Variants in DNAH7 observed in about 807,000 individuals in gnomAD.
DNAH7 encodes axonemal beta dynein heavy chain 7.
A neutral mutation model predicts 444.6 loss-of-function variants in DNAH7; 397 were observed. The ratio of observed to expected loss-of-function variants is 0.89; its 90% CI spans 0.82 to 0.97. DNAH7 has a LOEUF of 0.97. Ranked by LOEUF, DNAH7 falls within the 50% of genes least tolerant of loss-of-function variation. DNAH7 has a pLI of 0.00. For missense variants in DNAH7, 4,902 were observed against 4,800.8 expected, an observed-to-expected ratio of 1.02 and a Z score of -0.62; for synonymous variants, 1,636 against 1,624.4, an observed-to-expected ratio of 1.01 and a Z score of -0.17.
intron 52 of DNAH7, among the ~76,000 whole-genome samples, chr2:195,809,303 ATAAAG>A (rs544672976): frequency 2.7e-4 from 41 of 152,338 alleles, no homozygotes; most frequent in African/African-American, 6.7e-4. Flanking sequence ...AAATGCAAGA[ATAAAG>A]TATTTATTTC....
chr2:195,891,865 A>G, intron 30 of DNAH7, 61 bp from the exon 31 acceptor site: 1 of 1,294,258 alleles, frequency 7.7e-7, no homozygotes, highest in Non-Finnish European at 1.0e-6. Flanking sequence ...CATAGAAAAC[A>G]TTATTGCACA....
rs118050835 is a variant in DNAH7, at chr2:196,065,487, C to A, written c.15+3210G>T. Among the ~76,000 whole-genome samples the A allele has an allele frequency of 9.1e-3, 1,381 of 152,306 alleles. 42 individuals are homozygous for A. Among genetic ancestry groups the A allele is most frequent in the East Asian group, 0.085 (440 of 5,182 alleles). On this transcript the variant is annotated intron_variant, in intron 1 of 64. Transcript: ENST00000312428. ...GGTTGTGCTCTGCCTCAGATCAATT[C>A]TTTACCCTCTTCTTCCTGCTCTGTG... is the stretch of plus-strand genomic sequence containing the variant.
intron 64 of DNAH7, among the ~76,000 whole-genome samples, 183 bp downstream of exon 64, chr2:195,740,581 GTA>G (rs997964250): frequency 1.2e-4 from 10 of 86,818 alleles, no homozygotes; most frequent in East Asian, 5.8e-4. Flanking sequence ...AGAATTGACT[GTA>G]TATGTGTGTG....
At chr2:195,931,939 G>T (rs1168574534) in intron 21 of DNAH7, among the ~76,000 whole-genome samples, 14 of 152,150 alleles carry the variant, frequency 9.2e-5, no homozygotes. Flanking sequence ...CTTTAAAGTA[G>T]TTTTTTCCAA....
At position 196,044,410 on chromosome 2, in the gene DNAH7, G is replaced by C. The variant is rs150919206; in HGVS notation, c.398+2942C>G. ...AAGCTATGAGGACACAAAGGCATAA[G>C]AATGATATCATGGACTCTGGAGACT... On this transcript the variant is annotated intron_variant, in intron 5 of 64. Coordinates refer to ENST00000312428, the MANE Select transcript of DNAH7 (RefSeq NM_018897.3). Among the ~76,000 whole-genome samples the C allele has an allele frequency of 0.02, 2,966 of 151,296 alleles. 253 individuals are homozygous for C. The East Asian group carries it at 0.27, about 14-fold the overall frequency.
chr2:195,992,338 A>G (rs1051705973), intron 12 of DNAH7, among the ~76,000 whole-genome samples: 2 of 152,190 alleles, frequency 1.3e-5, no homozygotes, highest in African/African-American at 4.8e-5. Flanking sequence ...CACAGGTGGA[A>G]GCTGAAGAAG....
intron 51 of DNAH7, 67 bp from the exon 52 acceptor site, chr2:195,809,938 C>T (rs566757711): frequency 7.9e-6 from 10 of 1,261,332 alleles, no homozygotes; most frequent in Non-Finnish European, 1.0e-5. Context: ...TCTTAAGAAA[C>T]TTACATGTAT....
chr2:195,806,039 TTTAA>T (rs1696691591), intron 54 of DNAH7, among the ~76,000 whole-genome samples: 1 of 147,910 alleles, frequency 6.8e-6, no homozygotes, highest in African/African-American at 2.4e-5. Flanking sequence ...TATGTCAAAC[TTTAA>T]TTTGAGTGGT....
In DNAH7 at chr2:195,970,090, C is replaced by T. The variant is rs759632593; in HGVS notation, c.2063G>A (p.Arg688Gln). The change falls in exon 17 of 65, where the codon CGG becomes CAG. Residue 688 changes from arginine (R) to glutamine (Q), a missense_variant. Coordinates refer to ENST00000312428, the MANE Select transcript of DNAH7 (RefSeq NM_018897.3). ...CAATTCCTCCACAAACCGTTCACACCGTAACTAATAAAAACAATTTGTTGT... is the reference window on the plus strand; with the variant it reads ...CAATTCCTCCACAAACCGTTCACACTGTAACTAATAAAAACAATTTGTTGT... The part of the protein sequence containing the change: ...IEQYQEGLKL[R>Q]CERFVEELES... 9.4e-6 allele frequency: 15 copies of T among 1,593,628 alleles called. No homozygotes were observed. The highest frequency in any genetic ancestry group is 5.4e-5 in the African/African-American group (4 of 73,834).
In DNAH7 at chr2:195,776,625, TA is replaced by T. The variant is rs578021537; in HGVS notation, c.11065-643del. Among the ~76,000 whole-genome samples the T allele has an allele frequency of 1.1e-3, 170 of 151,984 alleles. 2 individuals are homozygous for T. The highest frequency in any genetic ancestry group is 3.8e-3 in the African/African-American group (158 of 41,484). Reference sequence around the variant, plus strand: ...ATGATTATTCTTATCACAATAAAAATATTTTTTTTCTGATTTACTCTGATTA... The same window carrying T: ...ATGATTATTCTTATCACAATAAAAATTTTTTTTTCTGATTTACTCTGATTA... On this transcript the variant is annotated intron_variant, in intron 59 of 64. Transcript: ENST00000312428.
intron 36 of DNAH7, 76 bp downstream of exon 36, chr2:195,881,719 T>A: frequency 7.0e-7 from 1 of 1,434,746 alleles, no homozygotes; most frequent in Non-Finnish European, 9.5e-7. Flanking sequence ...TTTTAAAAAA[T>A]TATTTGTCTG....
chr2:195,738,074 A>C lies in DNAH7; in HGVS notation c.11922T>G (p.Val3974=). Reference sequence around the variant, plus strand: ...GCTCACTTGTCTTATACAATGGAGCAACATAACTTGGCCGTTTTGGTATAT... The same window carrying C: ...GCTCACTTGTCTTATACAATGGAGCCACATAACTTGGCCGTTTTGGTATAT... ...RADIPKRPSY[V]APLYKTSERR... Residue 3974 remains valine (V), a synonymous_variant, in exon 65 of 65, where the codon GTT becomes GTG. Coordinates refer to ENST00000312428, the MANE Select transcript of DNAH7 (RefSeq NM_018897.3). 1 of 1,614,022 alleles carries C rather than the reference A, an allele frequency of 6.2e-7. No homozygotes were observed. The highest frequency in any genetic ancestry group is 1.1e-5 in the South Asian group (1 of 91,086).
At chr2:195,805,364 G>C (rs970671774) in intron 54 of DNAH7, among the ~76,000 whole-genome samples, 4 of 151,824 alleles carry the variant, frequency 2.6e-5, no homozygotes, top group Admixed American at 2.6e-4. Context: ...TTAATAAAAT[G>C]TTTTAGAGGA....
intron 21 of DNAH7, 44 bp from the exon 22 acceptor site, chr2:195,926,610 A>C (rs781572991): frequency 6.6e-7 from 1 of 1,519,200 alleles, no homozygotes; most frequent in Non-Finnish European, 8.8e-7. Flanking sequence ...TTTCCTGAAC[A>C]AGTTATACAA....
At chr2:195,917,894 C>G (rs1488235678) in intron 24 of DNAH7, among the ~76,000 whole-genome samples, 1 of 152,104 alleles carries the variant, frequency 6.6e-6, no homozygotes, top group African/African-American at 2.4e-5. Flanking sequence ...GTCTTGAATT[C>G]TTGGTGTCAA....
intron 47 of DNAH7, among the ~76,000 whole-genome samples, chr2:195,840,646 T>G (rs537928096): frequency 3.3e-5 from 5 of 151,824 alleles, no homozygotes; most frequent in Non-Finnish European, 7.4e-5. Context: ...ATAAATGAGT[T>G]TATTAAAGCT....
intron 47 of DNAH7, among the ~76,000 whole-genome samples, chr2:195,840,542 G>C (rs1175595166): frequency 2.6e-5 from 4 of 151,716 alleles, no homozygotes; most frequent in Non-Finnish European, 5.9e-5. Flanking sequence ...ATACAGATTA[G>C]AAAGTAGTAA....
intron 38 of DNAH7, among the ~76,000 whole-genome samples, chr2:195,875,074 T>C (rs1045277801): frequency 1.3e-5 from 2 of 152,166 alleles, no homozygotes; most frequent in Non-Finnish European, 2.9e-5. Flanking sequence ...CACCCCAGCA[T>C]TAAAAAGCAA....
At chr2:195,865,099 C>G (rs535066705) in intron 40 of DNAH7, 78 bp from the exon 41 acceptor site, 2 of 1,388,720 alleles carry the variant, frequency 1.4e-6, no homozygotes, top group African/African-American at 2.9e-5. Context: ...GTGCTAATCT[C>G]AGGTAATAAA....
Sources: gnomAD v4.1 joint callset for allele counts (sites outside exome capture counted in the v4.1 genomes callset) on GRCh38, gnomAD v4.1.1 for gene constraint, MANE v1.5 for transcripts, NCBI Gene and HGNC (gene_info 2026-07-23, HGNC 2026-07-21) for gene names.